MGMT: variants seen among roughly 807,000 people sequenced by gnomAD.
The protein encoded by MGMT is O-6-methylguanine-DNA methyltransferase.
MGMT carries 14 observed loss-of-function variants against 15.9 expected under a neutral mutation model. That is an observed-to-expected ratio of 0.88 (90% CI 0.58 to 1.37). MGMT has a LOEUF of 1.37. Among genes scored for constraint, MGMT ranks in the 40% most tolerant of loss-of-function variants. MGMT has a pLI of 0.00. For synonymous variants in MGMT, 130 were observed against 118.2 expected (o/e 1.10, Z -0.65); for missense variants, 282 against 268.1 (o/e 1.05, Z -0.36).
intron 2 of MGMT, among the ~76,000 whole-genome samples, chr10:129,585,307 G>A (rs1846605894): frequency 2.0e-5 from 3 of 152,192 alleles, no homozygotes; most frequent in South Asian, 4.1e-4. Context: ...CACACTTGGT[G>A]TACTATTTCT....
chr10:129,646,011 C>T (rs535958245), intron 2 of MGMT, among the ~76,000 whole-genome samples: 1 of 152,158 alleles, frequency 6.6e-6, no homozygotes, highest in Non-Finnish European at 1.5e-5. Flanking sequence ...TCGTTTCCTT[C>T]CTTGGTCTCA....
At position 129,638,429 on chromosome 10, in the gene MGMT, C is replaced by CAAAAAAAAAAAAAAAAAAAAAAAA; in HGVS notation, c.126-69450_126-69449insAAAAAAAAAAAAAAAAAAAAAAAA. ...GAAGTCCAAGAGAGGACCAAAGAGGCAAAAAAAAAAAAAAAAGAAAAAAAA... is the reference window on the plus strand; with the variant it reads ...GAAGTCCAAGAGAGGACCAAAGAGGCAAAAAAAAAAAAAAAAAAAAAAAAAAAAAAAAAAAAAAAAGAAAAAAAA... On this transcript the variant is annotated intron_variant, in intron 2 of 4. Transcript: ENST00000651593. Among the ~76,000 whole-genome samples, 70 of 61,750 alleles carry CAAAAAAAAAAAAAAAAAAAAAAAA rather than the reference C, an allele frequency of 1.1e-3. 6 individuals carry two copies. The highest frequency in any genetic ancestry group is 1.5e-3 in the African/African-American group (28 of 19,074). 40.5% of individuals were successfully genotyped at this position (61,750 alleles called of 152,430 possible).
chr10:129,543,095 T>C (rs1419160757), intron 2 of MGMT, among the ~76,000 whole-genome samples: 1 of 152,152 alleles, frequency 6.6e-6, no homozygotes, highest in Non-Finnish European at 1.5e-5. Context: ...TGATGAATTA[T>C]GTTCCGTGAC....
At chr10:129,545,299 A>G (rs1188561309) in intron 2 of MGMT, among the ~76,000 whole-genome samples, 1 of 151,936 alleles carries the variant, frequency 6.6e-6, no homozygotes, top group Non-Finnish European at 1.5e-5. Context: ...GACCATCCTG[A>G]TTGGGATTTG....
intron 2 of MGMT, among the ~76,000 whole-genome samples, chr10:129,683,359 G>A (rs1321042765): frequency 1.3e-5 from 2 of 152,198 alleles, no homozygotes; most frequent in Non-Finnish European, 2.9e-5. Context: ...CTGGAAAAAT[G>A]TGGCTGAACT....
rs1846350542 is a variant in MGMT at position 129,566,012 on chromosome 10, G to A, written c.125+29635G>A. ...GGCTGGAGCCACAGGTCTGAGTTCT[G>A]TCCAGTTCAGGTTCGTAGGCCACTC... On this transcript the variant is annotated intron_variant, in intron 2 of 4. Coordinates refer to ENST00000651593, the MANE Select transcript of MGMT (RefSeq NM_002412.5). The surrounding 1 kb of genome is among the most constrained non-coding windows in gnomAD (Gnocchi z 4.1). Among the ~76,000 whole-genome samples, 1 of 152,166 alleles carries A rather than the reference G, an allele frequency of 6.6e-6. No homozygotes were observed. The highest frequency in any genetic ancestry group is 2.4e-5 in the African/African-American group (1 of 41,434).
chr10:129,558,214 A>G (rs1018021073), intron 2 of MGMT, among the ~76,000 whole-genome samples: 1 of 152,198 alleles, frequency 6.6e-6, no homozygotes, highest in Non-Finnish European at 1.5e-5. Flanking sequence ...GGCCAAATAT[A>G]AATGTATAAC....
rs1564854548 is a variant in MGMT at position 129,566,718 on chromosome 10, G to A, written c.125+30341G>A. On this transcript the variant is annotated intron_variant, in intron 2 of 4. Coordinates refer to ENST00000651593, the MANE Select transcript of MGMT (RefSeq NM_002412.5). This position sits in a 1 kb window ranked among gnomAD's most constrained non-coding sequence, Gnocchi z 4.1. ...GATTCAGGTGCCATAGGGAGGGTCT[G>A]GGACTTTTCTCTCGGAGGCCCCATG... 6.6e-6 allele frequency among the ~76,000 whole-genome samples: 1 copy of A among 152,114 alleles called. No individual in the cohort carries two copies. The highest frequency in any genetic ancestry group is 2.1e-4 in the South Asian group (1 of 4,808).
At position 129,695,389 on chromosome 10, in the gene MGMT, C is replaced by A. The variant is rs1461925937; in HGVS notation, c.126-12506C>A. Among the ~76,000 whole-genome samples the A allele has an allele frequency of 2.0e-5, 3 of 152,282 alleles. No homozygotes were observed. In the South Asian group the frequency reaches 6.2e-4, roughly 32 times the overall value. On this transcript the variant is annotated intron_variant, in intron 2 of 4. Transcript: ENST00000651593. ...ATTTAGAACTGTACAAACCAATTTA[C>A]AAGACAGGTAATTTAGTGACAGAAT... is the stretch of plus-strand genomic sequence containing the variant.
chr10:129,729,750 A>G (rs1848475326), intron 3 of MGMT, among the ~76,000 whole-genome samples: 1 of 152,222 alleles, frequency 6.6e-6, no homozygotes, highest in Non-Finnish European at 1.5e-5. Flanking sequence ...TAAGAAATTT[A>G]GGGCCCAGCT....
chr10:129,505,041 A>G lies in MGMT; in HGVS notation c.-12-31200A>G, dbSNP rs549078966. 9.2e-5 allele frequency among the ~76,000 whole-genome samples: 14 copies of G among 152,340 alleles called. No homozygotes were observed. In the East Asian group the frequency reaches 2.7e-3, roughly 29 times the overall value. On this transcript the variant is annotated intron_variant, in intron 1 of 4. Coordinates refer to ENST00000651593, the MANE Select transcript of MGMT (RefSeq NM_002412.5). ...CAACTTTGGAAAGTGTTATAGACTT[A>G]AAATTGCAGCGTGTGTTTCCCCCTG...
At position 129,567,440 on chromosome 10, in the gene MGMT, C is replaced by G. The variant is rs185935196; in HGVS notation, c.125+31063C>G. On this transcript the variant is annotated intron_variant, in intron 2 of 4. Transcript: ENST00000651593. ...TAGCGTAGCAAGTGCCACTGAGCAT[C>G]CTGGAAACCCTGGGAGGGGTCCCGG... Among the ~76,000 whole-genome samples, 322 of 152,172 alleles carry G rather than the reference C, an allele frequency of 2.1e-3. 1 individual carries two copies. Among genetic ancestry groups the G allele is most frequent in the African/African-American group, 7.4e-3 (309 of 41,522 alleles).
At chr10:129,599,570 G>C (rs1272764335) in intron 2 of MGMT, among the ~76,000 whole-genome samples, 1 of 152,130 alleles carries the variant, frequency 6.6e-6, no homozygotes, top group Non-Finnish European at 1.5e-5. Flanking sequence ...GCTATACAAA[G>C]CATTTCCAAC....
intron 1 of MGMT, among the ~76,000 whole-genome samples, chr10:129,510,648 G>C (rs1323144878): frequency 2.0e-5 from 3 of 152,160 alleles, no homozygotes; most frequent in Admixed American, 2.0e-4. Flanking sequence ...TGTACATATT[G>C]ATGAAAATAA....
chr10:129,481,583 A>G (rs182118743), intron 1 of MGMT, among the ~76,000 whole-genome samples: 1 of 152,332 alleles, frequency 6.6e-6, no homozygotes, highest in East Asian at 1.9e-4. Context: ...CTTTGTGAAA[A>G]TAACATTAAC....
At chr10:129,530,252 C>T (rs567480125) in intron 1 of MGMT, among the ~76,000 whole-genome samples, 7 of 152,040 alleles carry the variant, frequency 4.6e-5, no homozygotes, top group African/African-American at 1.7e-4. Context: ...TTGACTCGTA[C>T]TAACTGTAGA....
At chr10:129,746,792 C>A (rs1453973051) in intron 3 of MGMT, among the ~76,000 whole-genome samples, 9 of 152,132 alleles carry the variant, frequency 5.9e-5, no homozygotes, top group African/African-American at 2.2e-4. Context: ...CCTTTTTTGT[C>A]TCTTGTAAAA....
intron 2 of MGMT, among the ~76,000 whole-genome samples, chr10:129,629,623 T>C (rs574222817): frequency 8.1e-4 from 124 of 152,332 alleles, no homozygotes; most frequent in African/African-American, 1.6e-3. Flanking sequence ...TTTAGGATCT[T>C]TAGGATCACT....
intron 3 of MGMT, among the ~76,000 whole-genome samples, chr10:129,729,220 C>G (rs560921432): frequency 6.6e-6 from 1 of 152,146 alleles, no homozygotes; most frequent in Non-Finnish European, 1.5e-5. Context: ...GGACAAACTT[C>G]GTGCCTCGTG....
Sources: allele counts gnomAD v4.1 joint callset (sites outside exome capture counted in the v4.1 genomes callset), GRCh38; gene constraint gnomAD v4.1.1; non-coding constraint Gnocchi (gnomAD v3.1); transcripts MANE v1.5; gene names NCBI Gene and HGNC (gene_info 2026-07-23, HGNC 2026-07-21).